The following ANXA8 variants were observed in gnomAD, a reference collection of about 807,000 sequenced individuals.
The protein encoded by ANXA8 is annexin A8.
A neutral mutation model predicts 26.8 loss-of-function variants in ANXA8; 9 were observed. The observed-to-expected ratio is 0.34, with a 90% confidence interval of 0.20 to 0.59. The LOEUF (loss-of-function observed/expected upper bound fraction) is 0.59. ANXA8 is among the 20% of genes least tolerant of loss of function. The probability of loss-of-function intolerance (pLI) is 0.84; values close to 1 mark genes in which losing one functional copy is unlikely to be tolerated. For synonymous variants in ANXA8, 39 were observed against 94.8 expected (o/e 0.41, Z 3.42); for missense variants, 83 against 238.5 (o/e 0.35, Z 4.29).
the ANXA8 span, among the ~76,000 whole-genome samples, chr10:47,650,027 G>A: frequency 6.7e-6 from 1 of 150,214 alleles, no homozygotes; most frequent in East Asian, 2.0e-4. Flanking sequence ...GGCCAACATG[G>A]TGAAATCCCC....
chr10:47,502,697 G>A, the ANXA8 span: 1 of 1,608,458 alleles, frequency 6.2e-7, no homozygotes. Context: ...TCCACACAGT[G>A]GGCGTTCCCA....
At position 47,474,925 on chromosome 10, in the gene ANXA8, C is replaced by G; in HGVS notation, c.552+20G>C. On this transcript the variant is annotated intron_variant, in intron 7 of 11. Coordinates refer to ENST00000585281, the MANE Select transcript of ANXA8 (RefSeq NM_001040084.3). Reference sequence around the variant, plus strand: ...GATGGCAGGGGGTGGGGCCACATGGCCGGCTGGGCGCAGCCTCACCTGTGC... The same window carrying G: ...GATGGCAGGGGGTGGGGCCACATGGGCGGCTGGGCGCAGCCTCACCTGTGC... 6.5e-7 allele frequency: 1 copy of G among 1,533,286 alleles called. No homozygotes were observed. Among genetic ancestry groups the G allele is most frequent in the Non-Finnish European group, 8.8e-7 (1 of 1,133,596 alleles). 95.0% of individuals were successfully genotyped at this position (1,533,286 alleles called of 1,614,324 possible).
chr10:47,721,408 A>G, the ANXA8 span, among the ~76,000 whole-genome samples: 3 of 138,776 alleles, frequency 2.2e-5, no homozygotes, highest in Non-Finnish European at 3.2e-5. Flanking sequence ...AACTAGTATG[A>G]GGTATTTAAG....
the ANXA8 span, among the ~76,000 whole-genome samples, chr10:47,495,877 C>T: frequency 1.3e-5 from 2 of 151,622 alleles, no homozygotes; most frequent in East Asian, 3.9e-4. Flanking sequence ...ACACACATTC[C>T]CAGCAGGAGA....
chr10:47,660,311 G>A, the ANXA8 span, among the ~76,000 whole-genome samples: 6 of 150,178 alleles, frequency 4.0e-5, no homozygotes, highest in East Asian at 3.9e-4. Flanking sequence ...CATTGTGAAC[G>A]AATGTTGGGC....
At chr10:47,702,250 T>C in the ANXA8 span, among the ~76,000 whole-genome samples, 3 of 151,208 alleles carry the variant, frequency 2.0e-5, no homozygotes, top group African/African-American at 7.3e-5. Context: ...GTTCTGTCCA[T>C]TGAGCGAGCA....
At chr10:47,896,933 T>TTTATTTAC in the ANXA8 span, among the ~76,000 whole-genome samples, 8 of 150,520 alleles carry the variant, frequency 5.3e-5, no homozygotes, top group Non-Finnish European at 1.2e-4. Context: ...TATTTATTTA[T>TTTATTTAC]TTATTTTTAC....
chr10:47,722,653 T>C, the ANXA8 span, among the ~76,000 whole-genome samples: 1 of 140,926 alleles, frequency 7.1e-6, no homozygotes, highest in African/African-American at 2.6e-5. Context: ...GCAGCTCATT[T>C]CCTCAGAGCA....
At chr10:47,572,441 C>T in the ANXA8 span, among the ~76,000 whole-genome samples, 4 of 149,954 alleles carry the variant, frequency 2.7e-5, no homozygotes, top group East Asian at 5.9e-4. Context: ...TTAGGCCAGT[C>T]GCGGTAGCTC....
the ANXA8 span, among the ~76,000 whole-genome samples, chr10:47,535,645 G>GAT: frequency 1.5e-5 from 2 of 136,012 alleles, no homozygotes; most frequent in African/African-American, 6.2e-5. Flanking sequence ...TGTGTATATA[G>GAT]ATACGTATAT....
At chr10:47,597,246 C>G in the ANXA8 span, among the ~76,000 whole-genome samples, 1 of 149,112 alleles carries the variant, frequency 6.7e-6, no homozygotes, top group African/African-American at 2.6e-5. Context: ...ACTAGGCATT[C>G]AAAGAACATA....
chr10:47,597,351 C>T, the ANXA8 span, among the ~76,000 whole-genome samples: 1 of 148,900 alleles, frequency 6.7e-6, no homozygotes, highest in East Asian at 1.9e-4. Flanking sequence ...AAGAACAAGA[C>T]AAGAATATCC....
chr10:47,975,985 A>G, the ANXA8 span, among the ~76,000 whole-genome samples: 2 of 150,228 alleles, frequency 1.3e-5, no homozygotes, highest in Admixed American at 1.3e-4. Flanking sequence ...TTTCTGACTG[A>G]AGGGTAAATT....
chr10:47,495,051 T>C, the ANXA8 span, among the ~76,000 whole-genome samples: 1 of 149,652 alleles, frequency 6.7e-6, no homozygotes, highest in East Asian at 2.0e-4. Flanking sequence ...TCTGAGCGAA[T>C]AACCACCTCT....
chr10:47,650,219 A>G, the ANXA8 span, among the ~76,000 whole-genome samples: 27,731 of 147,656 alleles, frequency 0.19, 2,829 homozygotes, highest in East Asian at 0.52. Flanking sequence ...AAAAAAAAAA[A>G]AAAGAAAGAA....
the ANXA8 span, among the ~76,000 whole-genome samples, chr10:47,554,410 T>C: frequency 6.6e-6 from 1 of 150,514 alleles, no homozygotes; most frequent in Non-Finnish European, 1.5e-5. Context: ...CTAAACTGCC[T>C]CGCCTTCCCT....
At chr10:47,694,021 G>A in the ANXA8 span, among the ~76,000 whole-genome samples, 4 of 151,516 alleles carry the variant, frequency 2.6e-5, no homozygotes, top group African/African-American at 9.7e-5. Flanking sequence ...ATGTCAGCAG[G>A]GACCTCTCAG....
At chr10:47,683,373 C>G in the ANXA8 span, among the ~76,000 whole-genome samples, 2 of 151,358 alleles carry the variant, frequency 1.3e-5, no homozygotes, top group East Asian at 1.9e-4. Flanking sequence ...GGACTACAGG[C>G]GCCCGCCACC....
At chr10:47,576,715 T>C in the ANXA8 span, among the ~76,000 whole-genome samples, 1 of 150,506 alleles carries the variant, frequency 6.6e-6, no homozygotes, top group Non-Finnish European at 1.5e-5. Flanking sequence ...AGACAAGGTC[T>C]CACCATGTTG....
Sources: allele counts gnomAD v4.1 joint callset (sites outside exome capture counted in the v4.1 genomes callset), GRCh38; gene constraint gnomAD v4.1.1; transcripts MANE v1.5; gene names NCBI Gene and HGNC (gene_info 2026-07-23, HGNC 2026-07-21).